The following ADGRL3 variants were observed in gnomAD, a reference collection of about 807,000 sequenced individuals.
ADGRL3 encodes the protein calcium-independent alpha-latrotoxin receptor 3.
A neutral mutation model predicts 153.5 loss-of-function variants in ADGRL3; 62 were observed. That is an observed-to-expected ratio of 0.40 (90% CI 0.33 to 0.50). The LOEUF (loss-of-function observed/expected upper bound fraction) is 0.50. Among genes scored for constraint, ADGRL3 ranks in the 20% least tolerant of loss-of-function variants. The pLI is 0.47. For synonymous variants in ADGRL3, 710 were observed against 672.5 expected, an observed-to-expected ratio of 1.06 and a Z score of -0.86; for missense variants, 1,641 against 1,859.4, an observed-to-expected ratio of 0.88 and a Z score of 2.16.
At chr4:61,516,303 C>T (rs335309) in intron 3 of ADGRL3, among the ~76,000 whole-genome samples, 83,206 of 151,764 alleles carry the variant, frequency 0.55, 23,932 homozygotes, top group East Asian at 0.73. Context: ...AGTTTCTCTC[C>T]TGTTTAATGT....
intron 1 of ADGRL3, among the ~76,000 whole-genome samples, chr4:61,315,218 C>T (rs191595859): frequency 3.9e-5 from 6 of 152,164 alleles, no homozygotes; most frequent in Non-Finnish European, 7.3e-5. Flanking sequence ...GGCTTCTCAA[C>T]GTGGGGAAGT....
chr4:61,635,754 G>C (rs373452685), intron 5 of ADGRL3, among the ~76,000 whole-genome samples: 117 of 152,160 alleles, frequency 7.7e-4, no homozygotes, highest in African/African-American at 2.8e-3. Flanking sequence ...GGAAGTCCAA[G>C]ATCAAGTTGA....
chr4:61,724,258 C>A (rs1020448044), intron 6 of ADGRL3, among the ~76,000 whole-genome samples: 1 of 151,974 alleles, frequency 6.6e-6, no homozygotes, highest in Non-Finnish European at 1.5e-5. Flanking sequence ...ATAATAACTT[C>A]GAAAAATTAT....
intron 25 of ADGRL3, chr4:62,063,767 C>T (rs1217389024): frequency 4.3e-6 from 2 of 469,224 alleles, no homozygotes; most frequent in South Asian, 4.4e-5. Flanking sequence ...TCGCATTCCA[C>T]CCCTCTTGGT....
At chr4:61,963,112 G>A (rs978995784) in intron 17 of ADGRL3, among the ~76,000 whole-genome samples, 4 of 151,412 alleles carry the variant, frequency 2.6e-5, no homozygotes, top group African/African-American at 7.3e-5. Context: ...AATTATGATA[G>A]CGTGATATAA....
At chr4:61,996,104 A>C (rs1049603768) in intron 19 of ADGRL3, among the ~76,000 whole-genome samples, 187 bp from the exon 20 acceptor site, 10 of 151,880 alleles carry the variant, frequency 6.6e-5, no homozygotes, top group African/African-American at 2.2e-4. Flanking sequence ...TAATTATCTT[A>C]CTCCATCAAT....
chr4:61,860,128 A>G (rs528344814), intron 9 of ADGRL3, among the ~76,000 whole-genome samples: 20 of 152,260 alleles, frequency 1.3e-4, no homozygotes, highest in Non-Finnish European at 2.5e-4. Flanking sequence ...GTCTTGATTC[A>G]GTAGGTTTTG....
At chr4:61,366,590 A>T (rs1376309141) in intron 1 of ADGRL3, among the ~76,000 whole-genome samples, 2 of 152,210 alleles carry the variant, frequency 1.3e-5, no homozygotes, top group African/African-American at 2.4e-5. Context: ...GCTTAATTGG[A>T]TCAACTTGCA....
At chr4:61,848,747 G>C (rs531544974) in intron 9 of ADGRL3, among the ~76,000 whole-genome samples, 81 of 152,212 alleles carry the variant, frequency 5.3e-4, no homozygotes, top group African/African-American at 1.9e-3. Context: ...ATTGACTCAT[G>C]CAAGGATAAA....
At chr4:61,603,672 A>G (rs2099021066) in intron 5 of ADGRL3, among the ~76,000 whole-genome samples, 2 of 152,192 alleles carry the variant, frequency 1.3e-5, no homozygotes, top group African/African-American at 4.8e-5. Flanking sequence ...TGAACAAGGA[A>G]CAGATGCTTT....
intron 5 of ADGRL3, among the ~76,000 whole-genome samples, chr4:61,642,040 A>G (rs1473661713): frequency 6.6e-6 from 1 of 150,574 alleles, no homozygotes; most frequent in Non-Finnish European, 1.5e-5. Flanking sequence ...ATGGCCAGTG[A>G]TGATGAGCAT....
intron 17 of ADGRL3, among the ~76,000 whole-genome samples, chr4:61,966,573 G>GTT (rs1553896731): frequency 1.4e-5 from 2 of 146,038 alleles, no homozygotes; most frequent in South Asian, 4.4e-4. Context: ...TTTCAAAAGG[G>GTT]GTGTGTGTGT....
chr4:61,520,044 T>TC (rs1164249022), intron 4 of ADGRL3, among the ~76,000 whole-genome samples: 4 of 151,890 alleles, frequency 2.6e-5, no homozygotes, highest in Non-Finnish European at 5.9e-5. Context: ...CTTTGTTTTT[T>TC]CCCCCCTTTG....
In ADGRL3 at chr4:61,983,524, C is replaced by G; in HGVS notation, c.3157C>G (p.Leu1053Val). ...ACATTCACGTAGGAAATACTTTTAT[C>G]TGGTCGGCTATGGGATGCCTGCACT... ...SEHSRRKYFY[L>V]VGYGMPALIV... Residue 1053 changes from leucine to valine, a missense_variant, in exon 19 of 27, where the codon CTG (leucine) becomes GTG (valine). Physicochemically the swap from Leu to Val is conservative, Grantham distance 32 (BLOSUM62 1). This residue lies in a region of ADGRL3 where 32 missense variants were observed against 66.2 expected (regional missense o/e 0.48). Transcript: ENST00000683033. 1 of 1,613,928 alleles carries G rather than the reference C, an allele frequency of 6.2e-7. No individual in the cohort carries two copies. The highest frequency in any genetic ancestry group is 1.1e-5 in the South Asian group (1 of 91,084).
rs558294571 is a variant in ADGRL3 at position 61,989,570 on chromosome 4, G to A, written c.3236+5967G>A. 2.8e-4 allele frequency among the ~76,000 whole-genome samples: 42 copies of A among 152,066 alleles called. No individual in the cohort carries two copies. The East Asian group carries it at 7.7e-3, about 28-fold the overall frequency. ...GTAGTAAATACTGAAGGGTTATTGTGTCACCATTTTATCATCCAGAAAGCC... is the reference window on the plus strand; with the variant it reads ...GTAGTAAATACTGAAGGGTTATTGTATCACCATTTTATCATCCAGAAAGCC... On this transcript the variant is annotated intron_variant, in intron 19 of 26. Coordinates refer to ENST00000683033, the MANE Select transcript of ADGRL3 (RefSeq NM_001387552.1).
chr4:61,727,075 C>T (rs1324366606), intron 6 of ADGRL3, among the ~76,000 whole-genome samples: 1 of 152,064 alleles, frequency 6.6e-6, no homozygotes, highest in Non-Finnish European at 1.5e-5. Context: ...TCTAATTAAA[C>T]AATGCAATTC....
chr4:62,030,240 A>G (rs1560527402), intron 22 of ADGRL3, among the ~76,000 whole-genome samples: 1 of 151,708 alleles, frequency 6.6e-6, no homozygotes. Context: ...GCTTCAGATT[A>G]TGATAAACAT....
chr4:61,456,458 TATATA>T (rs2097754601), intron 2 of ADGRL3, among the ~76,000 whole-genome samples: 1 of 126,638 alleles, frequency 7.9e-6, no homozygotes, highest in African/African-American at 3.0e-5. Context: ...TATATCTATA[TATATA>T]GATATATCTA....
chr4:61,345,018 G>A (rs1319268491), intron 1 of ADGRL3, among the ~76,000 whole-genome samples: 6 of 150,292 alleles, frequency 4.0e-5, no homozygotes, highest in South Asian at 4.2e-4. Context: ...GGCTTGTCTC[G>A]AACTCCTGAC....
Sources: allele counts gnomAD v4.1 joint callset (sites outside exome capture counted in the v4.1 genomes callset), GRCh38; gene constraint gnomAD v4.1.1; regional missense constraint gnomAD v4.1.1; transcripts MANE v1.5; gene names NCBI Gene and HGNC (gene_info 2026-07-23, HGNC 2026-07-21).